The following C10orf90 variants were observed in gnomAD, a reference collection of about 807,000 sequenced individuals.
The protein encoded by C10orf90 is chromosome 10 open reading frame 90.
Under a neutral mutation model 62.5 loss-of-function variants are expected in C10orf90, and 56 were observed. That is an observed-to-expected ratio of 0.90 (90% confidence interval 0.72 to 1.12). C10orf90 has a LOEUF of 1.12. Ranked by LOEUF, C10orf90 falls within the 50% of genes most tolerant of loss-of-function variation. The pLI, the probability that C10orf90 is intolerant of heterozygous loss-of-function variation, is 0.00. For missense variants in C10orf90, 970 were observed against 880.4 expected (o/e 1.10, Z -1.29); for synonymous variants, 386 against 340.4 (o/e 1.13, Z -1.47).
At chr10:126,611,251 G>T (rs941282771) in intron 2 of C10orf90, among the ~76,000 whole-genome samples, 2 of 152,124 alleles carry the variant, frequency 1.3e-5, no homozygotes, top group African/African-American at 4.8e-5. Flanking sequence ...AAAATGTATT[G>T]TCCCTAGTGT....
chr10:126,635,689 CACT>C (rs1187375704), intron 2 of C10orf90, among the ~76,000 whole-genome samples: 1 of 152,206 alleles, frequency 6.6e-6, no homozygotes, highest in African/African-American at 2.4e-5. Context: ...ATGTTTGACA[CACT>C]ATGGGATGTC....
chr10:126,521,242 A>C (rs781374071), intron 2 of C10orf90: 7 of 1,582,030 alleles, frequency 4.4e-6, no homozygotes, highest in Non-Finnish European at 5.2e-6. Flanking sequence ...GACAGAATGA[A>C]CAGATTACTT....
At chr10:126,521,223 C>T (rs1220903233) in intron 2 of C10orf90, 2 of 1,528,114 alleles carry the variant, frequency 1.3e-6, no homozygotes, top group Non-Finnish European at 1.8e-6. Flanking sequence ...CCAGAAGATA[C>T]TCAGCGTGGA....
At chr10:126,448,017 CTTTTTTTTTTT>C (rs1186409126) in intron 7 of C10orf90, among the ~76,000 whole-genome samples, 1 of 79,204 alleles carries the variant, frequency 1.3e-5, no homozygotes, top group Non-Finnish European at 2.3e-5. Flanking sequence ...ATGCCTGGCT[CTTTTTTTTTTT>C]TTTTTTTTTT....
At chr10:126,541,801 G>C (rs1864383195) in intron 2 of C10orf90, among the ~76,000 whole-genome samples, 1 of 152,112 alleles carries the variant, frequency 6.6e-6, no homozygotes, top group Admixed American at 6.5e-5. Context: ...AGGATACAAA[G>C]AATTACCATA....
At chr10:126,567,153 A>T (rs1844410437) in intron 2 of C10orf90, among the ~76,000 whole-genome samples, 1 of 152,148 alleles carries the variant, frequency 6.6e-6, no homozygotes, top group East Asian at 1.9e-4. Context: ...TGCTATAAAG[A>T]AATACATAAG....
At chr10:126,601,179 G>A (rs369414348) in intron 2 of C10orf90, among the ~76,000 whole-genome samples, 3 of 152,104 alleles carry the variant, frequency 2.0e-5, no homozygotes, top group Non-Finnish European at 1.5e-5. Context: ...GAAAGCCCCC[G>A]GGTCACCAGG....
At chr10:126,628,024 G>T (rs540925830) in intron 2 of C10orf90, among the ~76,000 whole-genome samples, 4 of 152,308 alleles carry the variant, frequency 2.6e-5, no homozygotes, top group African/African-American at 9.6e-5. Context: ...TTAAAAAAAA[G>T]TGCATGGAAT....
intron 2 of C10orf90, among the ~76,000 whole-genome samples, chr10:126,600,120 C>T (rs911621385): frequency 1.3e-5 from 2 of 151,878 alleles, no homozygotes; most frequent in Non-Finnish European, 2.9e-5. Context: ...TGCGTGTGCA[C>T]GCAGGTGTGT....
chr10:126,468,804 G>C (rs913000447), intron 4 of C10orf90, among the ~76,000 whole-genome samples: 3 of 152,210 alleles, frequency 2.0e-5, no homozygotes, highest in African/African-American at 7.2e-5. Flanking sequence ...ATCTGGGCTA[G>C]GTGGGGACAC....
chr10:126,575,531 T>C (rs1301210648), intron 2 of C10orf90, among the ~76,000 whole-genome samples: 1 of 151,962 alleles, frequency 6.6e-6, no homozygotes, highest in South Asian at 2.1e-4. Flanking sequence ...ATAAAATTCC[T>C]ATCAAAATAC....
intron 1 of C10orf90, among the ~76,000 whole-genome samples, chr10:126,653,227 A>T (rs1463268225): frequency 6.6e-6 from 1 of 152,328 alleles, no homozygotes; most frequent in Middle Eastern, 3.4e-3. Context: ...AGTTTGCTGC[A>T]TCAATTGACT....
intron 2 of C10orf90, among the ~76,000 whole-genome samples, chr10:126,614,151 ATCT>A (rs1429056286): frequency 1.3e-5 from 2 of 152,284 alleles, no homozygotes; most frequent in East Asian, 1.9e-4. Context: ...GGTGAGAACA[ATCT>A]GAGGTCTTTC....
At position 126,664,213 on chromosome 10, in the gene C10orf90, C is replaced by T. The variant is rs543787448; in HGVS notation, c.240+6028G>A. On this transcript the variant is annotated intron_variant, in intron 1 of 9. Transcript: ENST00000488181. ...AAGGTCATAAGTCTCTGTGACCTGA[C>T]GCTCTGAGTGTGGGGAAGCAGGGAA... Among the ~76,000 whole-genome samples the T allele has an allele frequency of 3.9e-5, 6 of 152,248 alleles. No individual in the cohort carries two copies. In the East Asian group the frequency reaches 9.7e-4, roughly 25 times the overall value.
At position 126,581,928 on chromosome 10, in the gene C10orf90, A is replaced by T. The variant is rs1844760932; in HGVS notation, c.313+64637T>A. Among the ~76,000 whole-genome samples the T allele has an allele frequency of 2.6e-5, 4 of 152,150 alleles. No homozygotes were observed. The South Asian group carries it at 8.3e-4, about 32-fold the overall frequency. On this transcript the variant is annotated intron_variant, in intron 2 of 9. Coordinates refer to ENST00000488181, the MANE Select transcript of C10orf90 (RefSeq NM_001350921.2). The stretch of plus-strand genomic sequence containing the variant: ...CACAGTGGCAGCATCTCAGTTGCAG[A>T]AGGACAATGTGATTCGGCGGGTGGC...
At chr10:126,602,834 C>T (rs1161558722) in intron 2 of C10orf90, among the ~76,000 whole-genome samples, 1 of 148,778 alleles carries the variant, frequency 6.7e-6, no homozygotes, top group Non-Finnish European at 1.5e-5. Context: ...GTCTTGGATT[C>T]CATGAAATGT....
At chr10:126,643,118 A>G (rs528972513) in intron 2 of C10orf90, among the ~76,000 whole-genome samples, 12 of 152,244 alleles carry the variant, frequency 7.9e-5, no homozygotes, top group Admixed American at 2.0e-4. Flanking sequence ...CAGCAACTTC[A>G]AAATACTTCA....
chr10:126,498,359 A>G (rs933559935), intron 4 of C10orf90, among the ~76,000 whole-genome samples: 1 of 151,898 alleles, frequency 6.6e-6, no homozygotes, highest in East Asian at 1.9e-4. Context: ...CACTGCCCCC[A>G]CTCCTGGACA....
intron 4 of C10orf90, among the ~76,000 whole-genome samples, chr10:126,488,447 CA>C (rs1718969565): frequency 6.7e-6 from 1 of 149,810 alleles, no homozygotes; most frequent in African/African-American, 2.5e-5. Flanking sequence ...TAAGAATCTA[CA>C]AAAAATAAGA....
Sources: allele counts gnomAD v4.1 joint callset (sites outside exome capture counted in the v4.1 genomes callset), GRCh38; gene constraint gnomAD v4.1.1; transcripts MANE v1.5; gene names NCBI Gene and HGNC (gene_info 2026-07-23, HGNC 2026-07-21).